The following LARGE1 variants were observed in gnomAD, a reference collection of about 807,000 sequenced individuals.
LARGE1 encodes LARGE xylosyl- and glucuronyltransferase 1, also known as xylosyl- and glucuronyltransferase LARGE1.
Under a neutral mutation model 87.6 loss-of-function variants are expected in LARGE1, and 43 were observed. The ratio of observed to expected loss-of-function variants is 0.49; its 90% CI spans 0.38 to 0.63. The LOEUF is 0.63. Ranked by LOEUF, LARGE1 falls within the 30% of genes least tolerant of loss-of-function variation. The pLI is 0.00. For missense variants in LARGE1, 802 were observed against 1,000.2 expected, an observed-to-expected ratio of 0.80 and a Z score of 2.67; for synonymous variants, 434 against 394.6, an observed-to-expected ratio of 1.10 and a Z score of -1.18.
At chr22:33,685,779 C>T (rs1425643492) in intron 2 of LARGE1, among the ~76,000 whole-genome samples, 1 of 152,162 alleles carries the variant, frequency 6.6e-6, no homozygotes, top group Admixed American at 6.5e-5. Flanking sequence ...GTCTGGGAGA[C>T]ACATGTGCCA....
At chr22:33,687,588 C>T (rs983815530) in intron 2 of LARGE1, among the ~76,000 whole-genome samples, 23 of 152,116 alleles carry the variant, frequency 1.5e-4, no homozygotes, top group Non-Finnish European at 2.6e-4. Flanking sequence ...CAGGAGGCGT[C>T]GCATGTTCTT....
intron 5 of LARGE1, among the ~76,000 whole-genome samples, chr22:33,573,452 A>T (rs1354780339): frequency 6.6e-6 from 1 of 152,190 alleles, no homozygotes; most frequent in East Asian, 1.9e-4. Flanking sequence ...CAAAACAAAA[A>T]AAGTCATCTG....
chr22:33,885,564 A>T (rs191861764), intron 1 of LARGE1, among the ~76,000 whole-genome samples: 59 of 152,314 alleles, frequency 3.9e-4, no homozygotes, highest in African/African-American at 1.3e-3. Context: ...TGCTTTATAA[A>T]CTCTGAAAGG....
chr22:33,568,747 C>A (rs1053797350), intron 5 of LARGE1, among the ~76,000 whole-genome samples: 13 of 80,240 alleles, frequency 1.6e-4, no homozygotes, highest in Admixed American at 5.6e-4. Context: ...GCCTGGGCAA[C>A]AAAAGCGAAA....
chr22:33,240,177 T>C (rs1257991987), intron 11 of LARGE1, among the ~76,000 whole-genome samples: 1 of 152,328 alleles, frequency 6.6e-6, no homozygotes, highest in South Asian at 2.1e-4. Flanking sequence ...GTCTGTCTTT[T>C]TTCCTTTGGT....
the LARGE1 span, among the ~76,000 whole-genome samples, chr22:33,079,354 A>G: frequency 6.7e-6 from 1 of 149,756 alleles, no homozygotes; most frequent in Non-Finnish European, 1.5e-5. Context: ...CAGCCTCCCA[A>G]CTAGCTGGGA....
At chr22:33,722,246 G>A (rs969528181) in intron 2 of LARGE1, among the ~76,000 whole-genome samples, 1 of 145,482 alleles carries the variant, frequency 6.9e-6, no homozygotes, top group East Asian at 2.3e-4. Flanking sequence ...GAAAGGAAGG[G>A]AGGAAGAGGG....
intron 2 of LARGE1, among the ~76,000 whole-genome samples, chr22:33,726,804 C>T (rs948853754): frequency 1.8e-4 from 28 of 152,182 alleles, no homozygotes; most frequent in Non-Finnish European, 2.9e-5. Flanking sequence ...GCAGGCAAGA[C>T]TGGGGGAATT....
At chr22:33,246,508 T>C (rs1926766409) in intron 11 of LARGE1, among the ~76,000 whole-genome samples, 1 of 152,084 alleles carries the variant, frequency 6.6e-6, no homozygotes, top group African/African-American at 2.4e-5. Context: ...TAGCCAGGCG[T>C]GGTGGTGCGC....
intron 6 of LARGE1, among the ~76,000 whole-genome samples, chr22:33,533,814 A>T (rs2267227): frequency 0.61 from 92,010 of 151,754 alleles, 28,049 homozygotes; most frequent in Admixed American, 0.68. Context: ...TGCCTTTTTT[A>T]AAAAAAATGT....
At chr22:33,525,244 G>A (rs556337558) in intron 6 of LARGE1, among the ~76,000 whole-genome samples, 2 of 152,232 alleles carry the variant, frequency 1.3e-5, no homozygotes, top group South Asian at 2.1e-4. Context: ...AATCCTTCAA[G>A]ATTGAGGCTC....
intron 11 of LARGE1, among the ~76,000 whole-genome samples, chr22:33,250,214 T>C (rs2145713959): frequency 6.6e-6 from 1 of 152,336 alleles, no homozygotes. Flanking sequence ...TCATTATAGT[T>C]TCCCTTATAT....
intron 6 of LARGE1, among the ~76,000 whole-genome samples, chr22:33,542,981 C>T (rs2077254428): frequency 6.6e-6 from 1 of 152,310 alleles, no homozygotes; most frequent in South Asian, 2.1e-4. Flanking sequence ...ACTGAGCTAA[C>T]TCATGACCTC....
chr22:33,807,008 C>CAA (rs60713375), intron 1 of LARGE1, among the ~76,000 whole-genome samples: 42 of 149,320 alleles, frequency 2.8e-4, no homozygotes, highest in Admixed American at 6.0e-4. Flanking sequence ...GACTCCGTCT[C>CAA]AAAAAAAAAA....
chr22:33,432,928 C>T (rs2067133909), intron 6 of LARGE1, among the ~76,000 whole-genome samples: 1 of 152,194 alleles, frequency 6.6e-6, no homozygotes, highest in Non-Finnish European at 1.5e-5. Flanking sequence ...TAGATAACAA[C>T]TGCTCCTCTG....
rs568395529 is a variant in LARGE1 at position 33,387,125 on chromosome 22, A to G, written c.893-2821T>C. ...TCTCAAAAAACAAAAAACAAAAAAC[A>G]AAAAACAAAAAAAGGGCGGGCAGGT... is the stretch of plus-strand genomic sequence containing the variant. On this transcript the variant is annotated intron_variant, in intron 7 of 14. Transcript: ENST00000397394. 9.5e-5 allele frequency among the ~76,000 whole-genome samples: 14 copies of G among 147,404 alleles called. 3 individuals are homozygous for G. In the South Asian group the frequency reaches 2.9e-3, roughly 31 times the overall value.
At chr22:33,274,646 G>GT in intron 14 of LARGE1, 22 bp from the exon 15 acceptor site, 2 of 1,609,424 alleles carry the variant, frequency 1.2e-6, no homozygotes, top group African/African-American at 1.3e-5. Flanking sequence ...CAAGAGCAGC[G>GT]TGAGAACCCG....
Position 33,865,832 on chromosome 22 carries a change from C to CTTTTTTTTTTTTTTT in LARGE1, c.-83+54148_-83+54162dup, listed in dbSNP as rs3072359. On this transcript the variant is annotated intron_variant, in intron 1 of 14. Transcript: ENST00000397394. ...TAAGCATTCAATGTTAGCTGTTATTCTTTTTTTTTTTTTTTTTTTTTTTTT... is the reference window on the plus strand; with the variant it reads ...TAAGCATTCAATGTTAGCTGTTATTCTTTTTTTTTTTTTTTTTTTTTTTTTTTTTTTTTTTTTTTT... Among the ~76,000 whole-genome samples the CTTTTTTTTTTTTTTT allele has an allele frequency of 1.1e-4, 3 of 28,364 alleles. 1 individual carries two copies. The highest frequency in any genetic ancestry group is 1.4e-4 in the Non-Finnish European group (2 of 14,470). The allele number at this position is 28,364 out of a possible 152,430, so 18.6% of individuals were successfully genotyped here.
At chr22:33,328,407 C>A (rs938615712) in intron 10 of LARGE1, among the ~76,000 whole-genome samples, 1 of 151,986 alleles carries the variant, frequency 6.6e-6, no homozygotes, top group Non-Finnish European at 1.5e-5. Flanking sequence ...TGGTGAAACC[C>A]CAGCTCTATT....
Sources: gnomAD v4.1 joint callset for allele counts (sites outside exome capture counted in the v4.1 genomes callset) on GRCh38, gnomAD v4.1.1 for gene constraint, MANE v1.5 for transcripts, NCBI Gene and HGNC (gene_info 2026-07-23, HGNC 2026-07-21) for gene names.